The following SLC35F1 variants were observed in gnomAD, a reference collection of about 807,000 sequenced individuals.
SLC35F1 encodes the protein chromosome 6 open reading frame 169.
In SLC35F1, 14 loss-of-function variants were observed where a neutral mutation model predicts 48.7. The observed-to-expected ratio is 0.29, with a 90% CI of 0.19 to 0.45. The LOEUF is 0.45. Ranked by LOEUF, SLC35F1 falls within the 20% of genes least tolerant of loss-of-function variation. SLC35F1 has a pLI of 1.00. For missense variants in SLC35F1, 404 were observed against 500.0 expected (o/e 0.81, Z 1.83); for synonymous variants, 190 against 202.2 (o/e 0.94, Z 0.51).
At chr6:118,082,774 A>G (rs1473280796) in intron 1 of SLC35F1, among the ~76,000 whole-genome samples, 1 of 152,184 alleles carries the variant, frequency 6.6e-6, no homozygotes, top group African/African-American at 2.4e-5. Flanking sequence ...GACAGTCCCA[A>G]GCCTATTCCC....
At chr6:117,964,419 A>C (rs1303246175) in intron 1 of SLC35F1, among the ~76,000 whole-genome samples, 1 of 152,216 alleles carries the variant, frequency 6.6e-6, no homozygotes, top group Admixed American at 6.5e-5. Context: ...TAGTGACCTA[A>C]GTAGCTTGGA....
At chr6:118,303,582 C>G (rs141735335) in intron 7 of SLC35F1, among the ~76,000 whole-genome samples, 1 of 152,152 alleles carries the variant, frequency 6.6e-6, no homozygotes, top group African/African-American at 2.4e-5. Flanking sequence ...TCATGGTACT[C>G]TATGCTTATC....
chr6:118,238,659 T>G (rs1220029688), intron 3 of SLC35F1, among the ~76,000 whole-genome samples: 2 of 152,078 alleles, frequency 1.3e-5, no homozygotes, highest in African/African-American at 4.8e-5. Flanking sequence ...TAGCACAAAT[T>G]GGGAGTACAT....
chr6:118,271,905 T>G (rs1286111950), intron 4 of SLC35F1, among the ~76,000 whole-genome samples: 2 of 152,190 alleles, frequency 1.3e-5, no homozygotes. Context: ...ACATGTCATA[T>G]TTTATTTTAT....
chr6:118,157,124 C>T (rs1774156131), intron 2 of SLC35F1, among the ~76,000 whole-genome samples: 1 of 151,818 alleles, frequency 6.6e-6, no homozygotes, highest in African/African-American at 2.4e-5. Flanking sequence ...ATGAGAATAC[C>T]AAGGCTCTGA....
chr6:118,191,160 A>G (rs1056536885), intron 2 of SLC35F1, among the ~76,000 whole-genome samples: 3 of 152,086 alleles, frequency 2.0e-5, no homozygotes, highest in African/African-American at 7.2e-5. Flanking sequence ...AGAGAAGTGA[A>G]TCAATGTTCT....
At chr6:118,042,919 A>G (rs1582634808) in intron 1 of SLC35F1, among the ~76,000 whole-genome samples, 1 of 152,202 alleles carries the variant, frequency 6.6e-6, no homozygotes, top group African/African-American at 2.4e-5. Context: ...GTGGAGGAAC[A>G]TGGTTAAAGG....
intron 1 of SLC35F1, among the ~76,000 whole-genome samples, chr6:118,057,451 T>C (rs1035002414): frequency 1.3e-5 from 2 of 152,082 alleles, no homozygotes; most frequent in African/African-American, 2.4e-5. Flanking sequence ...AGGATAACAT[T>C]GAACACTGAG....
intron 2 of SLC35F1, among the ~76,000 whole-genome samples, chr6:118,194,021 A>G (rs932943692): frequency 2.0e-5 from 3 of 152,196 alleles, no homozygotes; most frequent in Admixed American, 6.6e-5. Flanking sequence ...TGATTTAAGC[A>G]CTTATTTTTA....
chr6:118,154,648 A>T (rs1774113141), intron 2 of SLC35F1, 28 bp downstream of exon 2: 3 of 1,564,026 alleles, frequency 1.9e-6, no homozygotes, highest in Admixed American at 3.7e-5. Flanking sequence ...CCAGGAATAT[A>T]ACTTTTACAA....
chr6:118,136,360 C>T (rs1773795169), intron 1 of SLC35F1, among the ~76,000 whole-genome samples: 1 of 152,206 alleles, frequency 6.6e-6, no homozygotes, highest in Admixed American at 6.5e-5. Context: ...AGTGCTGAAA[C>T]ACTTCACATA....
chr6:117,971,713 G>A (rs1329306549), intron 1 of SLC35F1, among the ~76,000 whole-genome samples: 1 of 152,264 alleles, frequency 6.6e-6, no homozygotes, highest in East Asian at 1.9e-4. Flanking sequence ...CTTGGAGCTT[G>A]CACCCTCTGA....
chr6:118,266,956 G>T, intron 3 of SLC35F1, 39 bp from the exon 4 acceptor site: 1 of 1,606,872 alleles, frequency 6.2e-7, no homozygotes, highest in South Asian at 1.1e-5. Flanking sequence ...GCTTCCTCCT[G>T]AATCTCCTGT....
chr6:118,014,007 T>G (rs997512459), intron 1 of SLC35F1, among the ~76,000 whole-genome samples: 1 of 152,178 alleles, frequency 6.6e-6, no homozygotes, highest in African/African-American at 2.4e-5. Flanking sequence ...CAGAATAATC[T>G]AAGTCTGCTA....
chr6:118,297,787 TA>T (rs1039567360), intron 7 of SLC35F1, among the ~76,000 whole-genome samples: 11 of 146,192 alleles, frequency 7.5e-5, no homozygotes, highest in African/African-American at 1.0e-4. Flanking sequence ...TACACACATA[TA>T]TTTTTTTTCA....
intron 3 of SLC35F1, among the ~76,000 whole-genome samples, chr6:118,253,546 T>A (rs941256162): frequency 3.3e-5 from 5 of 151,810 alleles, no homozygotes; most frequent in African/African-American, 9.7e-5. Flanking sequence ...GAGTGGCACA[T>A]GTAGAATGTG....
At chr6:117,945,555 A>G (rs1463641149) in intron 1 of SLC35F1, among the ~76,000 whole-genome samples, 4 of 152,176 alleles carry the variant, frequency 2.6e-5, no homozygotes, top group African/African-American at 7.2e-5. Context: ...CATGATGACT[A>G]TTTTAGAGAG....
chr6:118,011,037 A>G (rs1369898129), intron 1 of SLC35F1, among the ~76,000 whole-genome samples: 2 of 152,270 alleles, frequency 1.3e-5, no homozygotes, highest in African/African-American at 4.8e-5. Context: ...GGTAGAGGCC[A>G]GGGGTGCTGC....
chr6:118,237,491 C>T (rs1260799596), intron 3 of SLC35F1, among the ~76,000 whole-genome samples: 2 of 152,130 alleles, frequency 1.3e-5, no homozygotes, highest in African/African-American at 4.8e-5. Context: ...TGGGCTAAAG[C>T]GATCCTCTGG....
Sources: allele counts gnomAD v4.1 joint callset (sites outside exome capture counted in the v4.1 genomes callset), GRCh38; gene constraint gnomAD v4.1.1; transcripts MANE v1.5; gene names NCBI Gene and HGNC (gene_info 2026-07-23, HGNC 2026-07-21).